The following RGS7 variants were observed in gnomAD, a reference collection of about 807,000 sequenced individuals.
RGS7 encodes regulator of G protein signaling 7.
RGS7 carries 27 observed loss-of-function variants against 81.1 expected under a neutral mutation model. That is an observed-to-expected ratio of 0.33 (90% CI 0.25 to 0.46). RGS7 has a LOEUF of 0.46. RGS7 is among the 20% of genes least tolerant of loss of function. RGS7 has a pLI of 1.00. For missense variants in RGS7, 396 were observed against 607.4 expected (o/e 0.65, Z 3.66); for synonymous variants, 208 against 207.7 (o/e 1.00, Z -0.01).
intron 2 of RGS7, among the ~76,000 whole-genome samples, chr1:241,203,133 T>C (rs898473817): frequency 9.9e-5 from 15 of 152,134 alleles, no homozygotes; most frequent in African/African-American, 3.4e-4. Context: ...GTTTTTCTCA[T>C]TGAAACCCAG....
chr1:241,135,288 G>A (rs1275387333), intron 2 of RGS7, among the ~76,000 whole-genome samples: 2 of 152,078 alleles, frequency 1.3e-5, no homozygotes, highest in Admixed American at 6.5e-5. Flanking sequence ...TTAGCCGGAT[G>A]TAGTGGCGGG....
intron 2 of RGS7, among the ~76,000 whole-genome samples, chr1:241,151,903 G>T (rs2068783146): frequency 6.6e-6 from 1 of 152,098 alleles, no homozygotes; most frequent in African/African-American, 2.4e-5. Flanking sequence ...ATCATGAATG[G>T]AATACAAGCT....
chr1:241,331,371 T>G (rs1448084472), intron 2 of RGS7, among the ~76,000 whole-genome samples: 1 of 152,204 alleles, frequency 6.6e-6, no homozygotes, highest in Non-Finnish European at 1.5e-5. Context: ...GAATCCTGGC[T>G]CTGCTACATG....
intron 2 of RGS7, among the ~76,000 whole-genome samples, chr1:241,180,232 G>A (rs959420210): frequency 1.3e-5 from 2 of 151,952 alleles, no homozygotes; most frequent in African/African-American, 4.8e-5. Flanking sequence ...AAAATTAGCC[G>A]GGCCTGGTGG....
At chr1:241,171,144 C>T (rs1461513844) in intron 2 of RGS7, among the ~76,000 whole-genome samples, 1 of 152,104 alleles carries the variant, frequency 6.6e-6, no homozygotes. Context: ...AGAAACATAC[C>T]ATATTTAGAA....
In RGS7 at chr1:240,914,591, G is replaced by A. The variant is rs1035587235; in HGVS notation, c.385+16126C>T. Among the ~76,000 whole-genome samples, 6 of 152,238 alleles carry A rather than the reference G, an allele frequency of 3.9e-5. No individual in the cohort carries two copies. The South Asian group carries it at 1.2e-3, about 32-fold the overall frequency. On this transcript the variant is annotated intron_variant, in intron 6 of 18. Transcript: ENST00000440928. ...AGAGCCTATTCCATGTAGAAATACT[G>A]AAGAGGGTGTAAAAAAGAACGAAAA...
intron 2 of RGS7, among the ~76,000 whole-genome samples, chr1:241,240,883 T>C (rs2076229538): frequency 6.6e-6 from 1 of 152,190 alleles, no homozygotes; most frequent in African/African-American, 2.4e-5. Flanking sequence ...TTTTGCACTC[T>C]TCTGAGGACT....
chr1:241,064,053 C>T (rs1220918723), intron 3 of RGS7, among the ~76,000 whole-genome samples: 3 of 151,932 alleles, frequency 2.0e-5, no homozygotes, highest in African/African-American at 7.2e-5. Flanking sequence ...CATGGTGGCA[C>T]ATGCCTGTAA....
chr1:240,880,400 G>T (rs1379597884), intron 6 of RGS7, among the ~76,000 whole-genome samples: 1 of 152,164 alleles, frequency 6.6e-6, no homozygotes, highest in Non-Finnish European at 1.5e-5. Context: ...TATAAGTGAG[G>T]CTGCTACACT....
intron 2 of RGS7, among the ~76,000 whole-genome samples, chr1:241,321,870 G>A (rs183696669): frequency 9.2e-5 from 14 of 152,250 alleles, no homozygotes; most frequent in African/African-American, 2.2e-4. Context: ...CCAAACCGCC[G>A]TTCTAGAATT....
At chr1:241,335,760 G>A (rs1480516500) in intron 2 of RGS7, among the ~76,000 whole-genome samples, 2 of 152,122 alleles carry the variant, frequency 1.3e-5, no homozygotes, top group African/African-American at 4.8e-5. Flanking sequence ...TCCAGGGGCT[G>A]CAGGAGAAGC....
chr1:241,013,055 T>A (rs990187722), intron 3 of RGS7, among the ~76,000 whole-genome samples: 31 of 13,610 alleles, frequency 2.3e-3, no homozygotes, highest in South Asian at 5.4e-3. Context: ...GACCCCTCCT[T>A]TTTTTTTTTT....
intron 9 of RGS7, among the ~76,000 whole-genome samples, chr1:240,866,728 C>T (rs1353513656): frequency 6.6e-6 from 1 of 152,110 alleles, no homozygotes; most frequent in African/African-American, 2.4e-5. Flanking sequence ...CAACTTTGAT[C>T]AGATTCTGCC....
At chr1:241,296,000 C>T (rs1211575132) in intron 2 of RGS7, among the ~76,000 whole-genome samples, 1 of 152,130 alleles carries the variant, frequency 6.6e-6, no homozygotes, top group Non-Finnish European at 1.5e-5. Flanking sequence ...ATATGTGCAG[C>T]TTATTTCGAA....
At chr1:240,924,312 A>C (rs1041609765) in intron 6 of RGS7, among the ~76,000 whole-genome samples, 1 of 152,162 alleles carries the variant, frequency 6.6e-6, no homozygotes, top group Non-Finnish European at 1.5e-5. Flanking sequence ...GGCAAGTGGA[A>C]CTTCATCTTG....
chr1:241,184,114 A>C (rs1357298130), intron 2 of RGS7, among the ~76,000 whole-genome samples: 1 of 152,192 alleles, frequency 6.6e-6, no homozygotes, highest in African/African-American at 2.4e-5. Flanking sequence ...GGAAAAGTAG[A>C]GAAATAATGA....
chr1:241,101,636 T>C (rs182320200), intron 2 of RGS7, among the ~76,000 whole-genome samples: 2 of 152,322 alleles, frequency 1.3e-5, no homozygotes, highest in East Asian at 1.9e-4. Context: ...TCTCTAAGTA[T>C]AGAAACATGA....
chr1:241,297,885 C>G (rs554967612), intron 2 of RGS7, among the ~76,000 whole-genome samples: 3 of 152,328 alleles, frequency 2.0e-5, no homozygotes, highest in Admixed American at 2.0e-4. Flanking sequence ...TGTCCACACA[C>G]TGGCTTCGGT....
intron 6 of RGS7, among the ~76,000 whole-genome samples, chr1:240,870,452 G>A (rs888503185): frequency 6.6e-6 from 1 of 151,814 alleles, no homozygotes; most frequent in Non-Finnish European, 1.5e-5. Flanking sequence ...TGATCCTTTC[G>A]CCTCAGCCTC....
Sources: allele counts gnomAD v4.1 joint callset (sites outside exome capture counted in the v4.1 genomes callset), GRCh38; gene constraint gnomAD v4.1.1; transcripts MANE v1.5; gene names NCBI Gene and HGNC (gene_info 2026-07-23, HGNC 2026-07-21).